The following KIF13B variants were observed in gnomAD, a reference collection of about 807,000 sequenced individuals.
KIF13B encodes the protein kinesin-like protein KIF13B.
Under a neutral mutation model 222.0 loss-of-function variants are expected in KIF13B, and 127 were observed. That is an observed-to-expected ratio of 0.57 (90% CI 0.50 to 0.66). The LOEUF (loss-of-function observed/expected upper bound fraction) is 0.66. Ranked by LOEUF, KIF13B falls within the 30% of genes least tolerant of loss-of-function variation. The pLI is 0.00. For missense variants in KIF13B, 2,173 were observed against 2,379.0 expected (o/e 0.91, Z 1.80); for synonymous variants, 976 against 919.0 (o/e 1.06, Z -1.12).
chr8:29,109,914 T>C lies in KIF13B; in HGVS notation c.4083+4A>G, dbSNP rs770723543. 8 of 1,613,074 alleles carry C rather than the reference T, an allele frequency of 5.0e-6. No homozygotes were observed. In the South Asian group the frequency reaches 7.7e-5, roughly 16 times the overall value. The stretch of plus-strand genomic sequence containing the variant: ...TGCCCGCCCTATCCATGCGGTTGGC[T>C]AACCTGGCGCAGACGATCTAAAGTC... On this transcript the variant is annotated splice_donor_region_variant and intron_variant, in intron 33 of 39. Transcript: ENST00000524189.
chr8:29,229,935 AGT>A (rs1815209455), intron 2 of KIF13B, among the ~76,000 whole-genome samples: 1 of 152,230 alleles, frequency 6.6e-6, no homozygotes, highest in Admixed American at 6.5e-5. Flanking sequence ...CATATATGCC[AGT>A]GTTATTTGAA....
chr8:29,095,523 T>C (rs1203816299), intron 36 of KIF13B, among the ~76,000 whole-genome samples: 1 of 152,186 alleles, frequency 6.6e-6, no homozygotes, highest in East Asian at 1.9e-4. Context: ...TCCCAGCACT[T>C]TGGGAGGCCG....
chr8:29,260,206 G>A (rs927440207), intron 1 of KIF13B, among the ~76,000 whole-genome samples: 7 of 152,218 alleles, frequency 4.6e-5, no homozygotes, highest in African/African-American at 7.2e-5. Flanking sequence ...GAGGATAACT[G>A]TTAAATAATA....
chr8:29,188,299 G>C (rs772862718), intron 5 of KIF13B, among the ~76,000 whole-genome samples: 2 of 152,182 alleles, frequency 1.3e-5, no homozygotes, highest in Non-Finnish European at 2.9e-5. Flanking sequence ...TGCTGCCAGT[G>C]CCTTGTGAGA....
intron 31 of KIF13B, among the ~76,000 whole-genome samples, chr8:29,115,364 T>C (rs1809545756): frequency 6.6e-6 from 1 of 151,532 alleles, no homozygotes; most frequent in African/African-American, 2.4e-5. Context: ...TTCACTCTTG[T>C]TGCCCAGGCT....
At chr8:29,242,084 T>TTAAG (rs1257923646) in intron 2 of KIF13B, among the ~76,000 whole-genome samples, 2 of 152,192 alleles carry the variant, frequency 1.3e-5, no homozygotes, top group African/African-American at 4.8e-5. Flanking sequence ...AGGCAATGTT[T>TTAAG]TAAGTATACC....
chr8:29,098,241 C>G (rs1292298117), intron 36 of KIF13B, among the ~76,000 whole-genome samples: 1 of 140,312 alleles, frequency 7.1e-6, no homozygotes, highest in Non-Finnish European at 1.5e-5. Context: ...AACTAAGAAA[C>G]TCCTTGAAAA....
chr8:29,217,299 C>A (rs148039590), intron 2 of KIF13B, among the ~76,000 whole-genome samples: 1 of 152,112 alleles, frequency 6.6e-6, no homozygotes, highest in Non-Finnish European at 1.5e-5. Flanking sequence ...CAGCTTTATC[C>A]GTAACTAAGG....
At chr8:29,072,990 G>A (rs917698521) in intron 38 of KIF13B, among the ~76,000 whole-genome samples, 1 of 151,790 alleles carries the variant, frequency 6.6e-6, no homozygotes, top group East Asian at 1.9e-4. Context: ...ACTCAGCACA[G>A]CCTGGCCAGC....
chr8:29,095,900 C>T (rs529327708), intron 36 of KIF13B, among the ~76,000 whole-genome samples: 2 of 151,344 alleles, frequency 1.3e-5, no homozygotes, highest in South Asian at 2.1e-4. Context: ...CAAAACAAAA[C>T]GAAACAAAAA....
In KIF13B at chr8:29,237,560, A is replaced by T. The variant is rs373903111; in HGVS notation, c.149+7786T>A. 3.9e-5 allele frequency among the ~76,000 whole-genome samples: 6 copies of T among 152,206 alleles called. No homozygotes were observed. The East Asian group carries it at 1.2e-3, about 29-fold the overall frequency. ...AAGACTCTTTTCTTGTATTTTTTAA[A>T]AAGTTTATTCCTTCTTATTGCTGCA... On this transcript the variant is annotated intron_variant, in intron 2 of 39. Coordinates refer to ENST00000524189, the MANE Select transcript of KIF13B (RefSeq NM_015254.4).
At position 29,148,891 on chromosome 8, in the gene KIF13B, C is replaced by G. The variant is rs895200417; in HGVS notation, c.1623-124G>C. On this transcript the variant is annotated intron_variant, in intron 15 of 39. Coordinates refer to ENST00000524189, the MANE Select transcript of KIF13B (RefSeq NM_015254.4). ...ATGTAAGTACAAGGCAATTACTGTA[C>G]TCAGGAAGTTGATAATCTTGTCGTA... is the stretch of plus-strand genomic sequence containing the variant. 6 of 683,290 alleles carry G rather than the reference C, an allele frequency of 8.8e-6. No individual in the cohort carries two copies. In the African/African-American group the frequency reaches 1.1e-4, roughly 12 times the overall value. The allele number at this position is 683,290 out of a possible 1,614,324, so 42.3% of individuals were successfully genotyped here.
intron 32 of KIF13B, among the ~76,000 whole-genome samples, chr8:29,111,542 G>C (rs868809046): frequency 2.0e-5 from 3 of 152,176 alleles, no homozygotes; most frequent in African/African-American, 7.2e-5. Flanking sequence ...TTGCCAGCTT[G>C]GATGTTTAGC....
intron 10 of KIF13B, among the ~76,000 whole-genome samples, chr8:29,174,009 T>G (rs531894863): frequency 6.6e-6 from 1 of 152,232 alleles, no homozygotes; most frequent in South Asian, 2.1e-4. Context: ...ATACATATGT[T>G]TAAGGTATAG....
intron 1 of KIF13B, among the ~76,000 whole-genome samples, chr8:29,252,279 C>T (rs1816313920): frequency 6.6e-6 from 1 of 152,216 alleles, no homozygotes; most frequent in South Asian, 2.1e-4. Flanking sequence ...CTTCGCTGTA[C>T]ACATCAGCTA....
rs759312463 is a variant in KIF13B, at chr8:29,070,531, A to G, written c.5454T>C (p.Pro1818=). 6.2e-6 allele frequency: 10 copies of G among 1,610,562 alleles called. No individual in the cohort carries two copies. In the East Asian group the frequency reaches 2.0e-4, roughly 32 times the overall value. Residue 1818 remains proline (P), a synonymous_variant, in exon 40 of 40, where the codon CCT becomes CCC. Transcript: ENST00000524189. The surrounding 1 kb of genome is among the most constrained non-coding windows in gnomAD (Gnocchi z 4.1). Reference sequence around the variant, plus strand: ...AGCTGGCCCAGGATTTCCGGTTCTCAGGGTTCTTGTGGCTCCTGTCGGCCT... The same window carrying G: ...AGCTGGCCCAGGATTTCCGGTTCTCGGGGTTCTTGTGGCTCCTGTCGGCCT... ...LAKADRSHKN[P]ENRKSWAS
At chr8:29,100,276 T>C (rs1808728206) in intron 35 of KIF13B, among the ~76,000 whole-genome samples, 1 of 152,228 alleles carries the variant, frequency 6.6e-6, no homozygotes, top group Non-Finnish European at 1.5e-5. Flanking sequence ...TTCAGCCCTA[T>C]CTAGGGAAGA....
chr8:29,148,115 G>A (rs775807534), intron 16 of KIF13B, among the ~76,000 whole-genome samples: 2 of 152,122 alleles, frequency 1.3e-5, no homozygotes, highest in Non-Finnish European at 2.9e-5. Flanking sequence ...CAGGAGAATC[G>A]AATCACTTGA....
intron 2 of KIF13B, among the ~76,000 whole-genome samples, chr8:29,205,422 G>C (rs1210240130): frequency 6.6e-6 from 1 of 151,986 alleles, no homozygotes; most frequent in Non-Finnish European, 1.5e-5. Flanking sequence ...CTCCTATTAA[G>C]AGAAAACAGA....
Sources: gnomAD v4.1 joint callset for allele counts (sites outside exome capture counted in the v4.1 genomes callset) on GRCh38, gnomAD v4.1.1 for gene constraint, Gnocchi (gnomAD v3.1) non-coding constraint, MANE v1.5 for transcripts, NCBI Gene and HGNC (gene_info 2026-07-23, HGNC 2026-07-21) for gene names.